Variants in LRMDA observed in about 807,000 individuals in gnomAD.
The protein encoded by LRMDA is leucine-rich melanocyte differentiation-associated protein.
A neutral mutation model predicts 29.8 loss-of-function variants in LRMDA; 18 were observed. That is an observed-to-expected ratio of 0.60 (90% CI 0.42 to 0.90). LRMDA has a LOEUF of 0.90. Among genes scored for constraint, LRMDA ranks in the 40% least tolerant of loss-of-function variants. The pLI, the probability that LRMDA is intolerant of heterozygous loss-of-function variation, is 0.00. For missense variants in LRMDA, 273 were observed against 273.9 expected, an observed-to-expected ratio of 1.00 and a Z score of 0.02; for synonymous variants, 125 against 109.4, an observed-to-expected ratio of 1.14 and a Z score of -0.89.
chr10:76,062,232 C>T (rs971146637), intron 5 of LRMDA, among the ~76,000 whole-genome samples: 3 of 152,224 alleles, frequency 2.0e-5, no homozygotes, highest in Non-Finnish European at 4.4e-5. Flanking sequence ...TGTGCTTATT[C>T]AGCAGAATGC....
At chr10:76,266,024 C>CCAT (rs1310379150) in intron 5 of LRMDA, among the ~76,000 whole-genome samples, 1 of 152,128 alleles carries the variant, frequency 6.6e-6, no homozygotes, top group African/African-American at 2.4e-5. Context: ...GGAATCCTGG[C>CCAT]CATCACCCTT....
At chr10:75,530,917 C>G (rs1306676479) in intron 2 of LRMDA, among the ~76,000 whole-genome samples, 1 of 152,080 alleles carries the variant, frequency 6.6e-6, no homozygotes, top group African/African-American at 2.4e-5. Context: ...GCACTATGGG[C>G]TTTTTGGTAA....
intron 2 of LRMDA, among the ~76,000 whole-genome samples, chr10:76,014,140 ATAT>A (rs1424421765): frequency 1.5e-5 from 2 of 134,856 alleles, no homozygotes; most frequent in East Asian, 2.1e-4. Flanking sequence ...ATATATATAT[ATAT>A]AATTATATAT....
intron 2 of LRMDA, among the ~76,000 whole-genome samples, chr10:75,689,211 C>T (rs1486045221): frequency 1.3e-5 from 2 of 152,204 alleles, no homozygotes; most frequent in Non-Finnish European, 2.9e-5. Context: ...TAGGAAATCA[C>T]TTCTTATTCT....
intron 2 of LRMDA, among the ~76,000 whole-genome samples, chr10:75,605,939 C>A (rs1840950679): frequency 1.3e-5 from 2 of 152,190 alleles, no homozygotes; most frequent in African/African-American, 4.8e-5. Flanking sequence ...CTCACTGCAA[C>A]CTCTGCCTCC....
chr10:75,446,115 T>C (rs1844392187), intron 2 of LRMDA, among the ~76,000 whole-genome samples: 1 of 152,230 alleles, frequency 6.6e-6, no homozygotes, highest in African/African-American at 2.4e-5. Flanking sequence ...CCATACTTTC[T>C]GTGTCTCTGT....
chr10:76,367,700 G>A lies in LRMDA; in HGVS notation c.601+43215G>A, dbSNP rs562548244. Among the ~76,000 whole-genome samples the A allele has an allele frequency of 2.5e-3, 374 of 152,050 alleles. 5 individuals carry two copies. In the Middle Eastern group the frequency reaches 0.031, roughly 13 times the overall value. On this transcript the variant is annotated intron_variant, in intron 6 of 6. Transcript: ENST00000611255. The stretch of plus-strand genomic sequence containing the variant: ...CGATCTTAGGTGATCCACCTGCCTC[G>A]GCCTCCCAAAGTGCTGGGATTACAG...
chr10:76,457,551 T>G (rs1279313656), intron 6 of LRMDA, among the ~76,000 whole-genome samples: 2 of 152,140 alleles, frequency 1.3e-5, no homozygotes, highest in African/African-American at 4.8e-5. Flanking sequence ...GGCTGCCAAG[T>G]ATTGTGCTGA....
At chr10:75,505,007 T>C (rs1196018777) in intron 2 of LRMDA, among the ~76,000 whole-genome samples, 2 of 152,060 alleles carry the variant, frequency 1.3e-5, no homozygotes, top group Admixed American at 6.5e-5. Flanking sequence ...GTTTGAGTGA[T>C]TGATACAGAT....
intron 6 of LRMDA, among the ~76,000 whole-genome samples, chr10:76,448,059 TTGA>T (rs1842370203): frequency 6.6e-6 from 1 of 152,200 alleles, no homozygotes; most frequent in South Asian, 2.1e-4. Context: ...AGAGTTTATT[TTGA>T]TAGTAAAAGA....
chr10:76,112,327 G>A (rs1849593400), intron 5 of LRMDA, among the ~76,000 whole-genome samples: 2 of 152,230 alleles, frequency 1.3e-5, no homozygotes, highest in Non-Finnish European at 2.9e-5. Flanking sequence ...GGTATGGGGC[G>A]TCTGCGCAGC....
At chr10:76,491,487 AT>A (rs1229191940) in intron 6 of LRMDA, among the ~76,000 whole-genome samples, 1 of 151,944 alleles carries the variant, frequency 6.6e-6, no homozygotes, top group Non-Finnish European at 1.5e-5. Flanking sequence ...GGCACTTTAA[AT>A]TAATGTTATG....
chr10:76,018,661 G>A lies in LRMDA; in HGVS notation c.132-17347G>A, dbSNP rs149858259. On this transcript the variant is annotated intron_variant, in intron 2 of 6. Coordinates refer to ENST00000611255, the MANE Select transcript of LRMDA (RefSeq NM_001305581.2). Reference sequence around the variant, plus strand: ...TGGCTCACTGCAACCCCTGCCTCCCGGGTTCAAGTGATTCTCCTGCCTCAG... The same window carrying A: ...TGGCTCACTGCAACCCCTGCCTCCCAGGTTCAAGTGATTCTCCTGCCTCAG... Among the ~76,000 whole-genome samples, 17 of 147,358 alleles carry A rather than the reference G, an allele frequency of 1.2e-4. No individual in the cohort carries two copies. The East Asian group carries it at 1.7e-3, about 15-fold the overall frequency.
intron 2 of LRMDA, among the ~76,000 whole-genome samples, chr10:75,735,216 C>A (rs1009800472): frequency 3.9e-5 from 6 of 152,066 alleles, no homozygotes; most frequent in African/African-American, 1.4e-4. Flanking sequence ...TTGGAAAAAA[C>A]GTGGTATATT....
intron 2 of LRMDA, among the ~76,000 whole-genome samples, chr10:75,773,742 C>A (rs74980671): frequency 2.6e-5 from 4 of 152,146 alleles, no homozygotes; most frequent in Non-Finnish European, 5.9e-5. Context: ...TTATATCTTT[C>A]TGAATATGAG....
At chr10:75,631,527 A>C (rs1841323502) in intron 2 of LRMDA, among the ~76,000 whole-genome samples, 1 of 152,150 alleles carries the variant, frequency 6.6e-6, no homozygotes, top group South Asian at 2.1e-4. Context: ...TGGGGGGGAA[A>C]TACCCTCACG....
chr10:75,574,986 G>A (rs3012061), intron 2 of LRMDA, among the ~76,000 whole-genome samples: 91,603 of 152,066 alleles, frequency 0.6, 31,110 homozygotes, highest in East Asian at 0.85. Flanking sequence ...TGGGGAGGCT[G>A]CAGGAAGCTT....
chr10:76,197,734 T>C (rs1447928703), intron 5 of LRMDA, among the ~76,000 whole-genome samples: 1 of 151,090 alleles, frequency 6.6e-6, no homozygotes, highest in Non-Finnish European at 1.5e-5. Context: ...GCCTGGTCAA[T>C]ATAGTGAAAC....
chr10:75,444,946 C>T (rs989053576), intron 2 of LRMDA, among the ~76,000 whole-genome samples: 1 of 152,108 alleles, frequency 6.6e-6, no homozygotes, highest in African/African-American at 2.4e-5. Flanking sequence ...TTTTTTAAGA[C>T]AGGGTCTCAC....
Sources: allele counts gnomAD v4.1 joint callset (sites outside exome capture counted in the v4.1 genomes callset), GRCh38; gene constraint gnomAD v4.1.1; transcripts MANE v1.5; gene names NCBI Gene and HGNC (gene_info 2026-07-23, HGNC 2026-07-21).